Variants in ERCC2 observed in about 807,000 individuals in gnomAD.
ERCC2 encodes the protein ERCC excision repair 2, TFIIH core complex helicase subunit, also known as general transcription and DNA repair factor IIH helicase subunit XPD.
A neutral mutation model predicts 99.4 loss-of-function variants in ERCC2; 90 were observed. The ratio of observed to expected loss-of-function variants is 0.91; its 90% confidence interval spans 0.76 to 1.08. The LOEUF (loss-of-function observed/expected upper bound fraction) is 1.08, where lower values mean the gene tolerates loss of function less well. Ranked by LOEUF, ERCC2 falls within the 50% of genes least tolerant of loss-of-function variation. ERCC2 has a pLI of 0.00. For synonymous variants in ERCC2, 497 were observed against 432.4 expected (o/e 1.15, Z -1.85); for missense variants, 993 against 1,038.1 (o/e 0.96, Z 0.60).
chr19:45,353,422 A>G (rs1254279547), intron 17 of ERCC2, 88 bp from the exon 18 acceptor site: 21 of 854,096 alleles, frequency 2.5e-5, no homozygotes, highest in Non-Finnish European at 3.3e-5. Flanking sequence ...CCACATCACC[A>G]TGTCTCTGGG....
At chr19:45,357,150 C>T (rs897729057) in intron 15 of ERCC2, 120 bp downstream of exon 15, 10 of 711,852 alleles carry the variant, frequency 1.4e-5, no homozygotes, top group Non-Finnish European at 2.2e-5. Flanking sequence ...GTCTGAATCC[C>T]GAACCCAGCC....
chr19:45,351,758 T>A, intron 22 of ERCC2, 37 bp from the exon 23 acceptor site: 1 of 1,588,964 alleles, frequency 6.3e-7, no homozygotes, highest in Non-Finnish European at 8.6e-7. Context: ...GGGGGCACTG[T>A]TGGGCAGGGG....
At position 45,361,622 on chromosome 19, in the gene ERCC2, C is replaced by T. The variant is rs752646404; in HGVS notation, c.1139G>A (p.Arg380Gln). 8.1e-6 allele frequency: 13 copies of T among 1,613,682 alleles called. No individual in the cohort carries two copies. The highest frequency in any genetic ancestry group is 4.5e-5 in the East Asian group (2 of 44,876). The change falls in exon 12 of 23, where the codon CGG becomes CAG. Residue 380 changes from arginine (R) to glutamine (Q), a missense_variant. Arg to Gln is a conservative substitution (Grantham distance 43). Transcript: ENST00000391945. ...KPLRFCAERLRSLLHTLEITD... is the reference protein window; with the variant it reads ...KPLRFCAERLQSLLHTLEITD... ...GATCTCCAGAGTATGCAGCAGGGAC[C>T]GGAGGCGTTCAGCACAGAATCTGGC...
At chr19:45,357,817 G>A in intron 12 of ERCC2, 118 bp from the exon 13 acceptor site, 1 of 922,318 alleles carries the variant, frequency 1.1e-6, no homozygotes, top group South Asian at 1.4e-5. Context: ...GTACTGCCTG[G>A]GAGTAAATGC....
chr19:45,368,848 A>G (rs556184322), intron 4 of ERCC2, 82 bp downstream of exon 4: 1 of 1,579,758 alleles, frequency 6.3e-7, no homozygotes, highest in African/African-American at 1.3e-5. Context: ...CACCCCCGAA[A>G]GCTGGTGACG....
chr19:45,357,535 T>TC lies in ERCC2; in HGVS notation c.1315dup (p.Asp439GlyfsTer11), dbSNP rs1339799147. ...TACGGGTTTGATGGCCAGCGAGGCGTCCATGCAGCTGGAGAGAGATGAGGG... is the reference window on the plus strand; with the variant it reads ...TACGGGTTTGATGGCCAGCGAGGCGTCCCATGCAGCTGGAGAGAGATGAGGG... On this transcript the variant is annotated frameshift_variant, in exon 14 of 23. Coordinates refer to ENST00000391945, the MANE Select transcript of ERCC2 (RefSeq NM_000400.4). LOFTEE classifies it high-confidence loss of function. 1 of 1,613,878 alleles carries TC rather than the reference T, an allele frequency of 6.2e-7. No individual in the cohort carries two copies. The highest frequency in any genetic ancestry group is 1.7e-5 in the Admixed American group (1 of 59,988).
chr19:45,369,914 G>A (rs1227839018), intron 2 of ERCC2, among the ~76,000 whole-genome samples: 2 of 152,212 alleles, frequency 1.3e-5, no homozygotes, highest in Non-Finnish European at 2.9e-5. Context: ...GACCTCAAGT[G>A]ATCCGCCCGC....
chr19:45,357,739 A>G, intron 12 of ERCC2, 40 bp from the exon 13 acceptor site: 1 of 1,546,298 alleles, frequency 6.5e-7, no homozygotes, highest in Non-Finnish European at 8.9e-7. Flanking sequence ...TTACCCCACT[A>G]CAGCCACAGC....
Position 45,350,859 on chromosome 19 carries a change from G to C in ERCC2, c.*770C>G. ...CTTCCATGGCTCCCATCTCCCCTGT[G>C]ATACACACAGATCAAACCCTGTGCT... On this transcript the variant is annotated 3_prime_UTR_variant, in exon 23 of 23. Transcript: ENST00000391945. The C allele has an allele frequency of 2.1e-6, 3 of 1,449,688 alleles. No homozygotes were observed. Among genetic ancestry groups the C allele is most frequent in the Non-Finnish European group, 2.9e-6 (3 of 1,041,414 alleles). The allele number at this position is 1,449,688 out of a possible 1,614,324, so 89.8% of individuals were successfully genotyped here.
At chr19:45,365,606 A>G (rs1231326607) in intron 5 of ERCC2, among the ~76,000 whole-genome samples, 1 of 151,228 alleles carries the variant, frequency 6.6e-6, no homozygotes, top group East Asian at 1.9e-4. Context: ...GTGAGACACC[A>G]TCTCAAAAAA....
chr19:45,359,572 CTGAACA>C (rs1568538217), intron 12 of ERCC2, among the ~76,000 whole-genome samples: 1 of 152,198 alleles, frequency 6.6e-6, no homozygotes, highest in East Asian at 1.9e-4. Flanking sequence ...ACCTGAAAAT[CTGAACA>C]TCAGCCTCTA....
At chr19:45,358,876 T>C (rs549725195) in intron 12 of ERCC2, 1 of 780,864 alleles carries the variant, frequency 1.3e-6, no homozygotes, top group Admixed American at 1.7e-5. Flanking sequence ...ATGAGATCTT[T>C]TTTGGTTCCT....
At chr19:45,361,306 C>T (rs1972210383) in intron 12 of ERCC2, among the ~76,000 whole-genome samples, 1 of 152,078 alleles carries the variant, frequency 6.6e-6, no homozygotes, top group Non-Finnish European at 1.5e-5. Context: ...CATCCTTCTC[C>T]ACTCTGCAGC....
intron 5 of ERCC2, 61 bp downstream of exon 5, chr19:45,368,569 T>C (rs1212110387): frequency 1.3e-5 from 15 of 1,121,830 alleles, no homozygotes; most frequent in Non-Finnish European, 1.2e-5. Flanking sequence ...GGACTTGTGG[T>C]TGGACGAAAG....
Position 45,364,344 on chromosome 19 carries a change from G to A in ERCC2, c.719-13C>T. 1.2e-6 allele frequency: 2 copies of A among 1,613,936 alleles called. No homozygotes were observed. Among genetic ancestry groups the A allele is most frequent in the Middle Eastern group, 1.6e-4 (1 of 6,062 alleles). ...ATGCAGACGTTGTCTGGAGAAGGGG[G>A]AGAGAGCCGGCTCAGGCAGGCCTGC... On this transcript the variant is annotated splice_polypyrimidine_tract_variant and intron_variant, in intron 8 of 22. Transcript: ENST00000391945.
At position 45,370,013 on chromosome 19, in the gene ERCC2, G is replaced by A. The variant is rs1393474735; in HGVS notation, c.105+120C>T. ...TTGTTTTAGATAACGGAAGATTATG[G>A]GGTCCTGGATTCCCAGGGACCTCGG... On this transcript the variant is annotated intron_variant, in intron 2 of 22. Transcript: ENST00000391945. The A allele has an allele frequency of 7.0e-6, 6 of 853,060 alleles. No individual in the cohort carries two copies. The South Asian group carries it at 7.5e-5, about 11-fold the overall frequency. The allele number at this position is 853,060 out of a possible 1,614,324, so 52.8% of individuals were successfully genotyped here.
chr19:45,353,180 A>T, intron 18 of ERCC2, 25 bp from the exon 19 acceptor site: 1 of 1,613,582 alleles, frequency 6.2e-7, no homozygotes. Flanking sequence ...CCGAGACGCA[A>T]GTTAGGTCAC....
rs369743753 is a variant in ERCC2, at chr19:45,351,621, C to A, written c.*8G>T. On this transcript the variant is annotated 3_prime_UTR_variant, in exon 23 of 23. Coordinates refer to ENST00000391945, the MANE Select transcript of ERCC2 (RefSeq NM_000400.4). ...ACCAGGAACCGTTTATGGCCCCACC[C>A]GCCCCACTCAGAGCTGCTGAGCAAT... 5.6e-6 allele frequency: 9 copies of A among 1,613,616 alleles called. No homozygotes were observed. Among genetic ancestry groups the A allele is most frequent in the Non-Finnish European group, 7.6e-6 (9 of 1,179,854 alleles).
rs1971992160 is a variant in ERCC2, at chr19:45,355,796, T to C, written c.1480-68A>G. 1.9e-5 allele frequency: 21 copies of C among 1,133,548 alleles called. No homozygotes were observed. In the Admixed American group the frequency reaches 2.9e-4, roughly 16 times the overall value. 70.2% of individuals were successfully genotyped at this position (1,133,548 alleles called of 1,614,324 possible). Reference sequence around the variant, plus strand: ...TGCTCCAGCGTGAGTGCTGACCACCTGCTGGTGCTGTTCTAAGCTTTTTTT... The same window carrying C: ...TGCTCCAGCGTGAGTGCTGACCACCCGCTGGTGCTGTTCTAAGCTTTTTTT... On this transcript the variant is annotated intron_variant, in intron 15 of 22. Coordinates refer to ENST00000391945, the MANE Select transcript of ERCC2 (RefSeq NM_000400.4).
Sources: gnomAD v4.1 joint callset for allele counts (sites outside exome capture counted in the v4.1 genomes callset) on GRCh38, gnomAD v4.1.1 for gene constraint, MANE v1.5 for transcripts, NCBI Gene and HGNC (gene_info 2026-07-23, HGNC 2026-07-21) for gene names.